Variants in CACNA1G observed in about 807,000 individuals in gnomAD.
The protein encoded by CACNA1G is calcium voltage-gated channel subunit alpha1 G.
CACNA1G carries 67 observed loss-of-function variants against 219.4 expected under a neutral mutation model. That is an observed-to-expected ratio of 0.31 (90% CI 0.25 to 0.37). CACNA1G has a LOEUF of 0.37. CACNA1G is among the 10% of genes least tolerant of loss of function. The pLI is 1.00. For missense variants in CACNA1G, 2,380 were observed against 3,231.4 expected, an observed-to-expected ratio of 0.74 and a Z score of 6.39; for synonymous variants, 1,296 against 1,345.3, an observed-to-expected ratio of 0.96 and a Z score of 0.80.
At chr17:50,590,107 CT>C in intron 9 of CACNA1G, among the ~76,000 whole-genome samples, 1 of 152,198 alleles carries the variant, frequency 6.6e-6, no homozygotes. Flanking sequence ...CATTGTCATG[CT>C]GCTGGCCTGG....
At chr17:50,592,129 G>A in intron 13 of CACNA1G, 37 bp downstream of exon 13, 1 of 1,574,740 alleles carries the variant, frequency 6.4e-7, no homozygotes, top group Non-Finnish European at 8.6e-7. Flanking sequence ...CCTGCCCACA[G>A]CAGTCCCACT....
In CACNA1G at chr17:50,600,391, A is replaced by G. The variant is rs1346746809; in HGVS notation, c.3691-335A>G. 6.6e-6 allele frequency among the ~76,000 whole-genome samples: 1 copy of G among 151,936 alleles called. No individual in the cohort carries two copies. The highest frequency in any genetic ancestry group is 2.4e-5 in the African/African-American group (1 of 41,352). On this transcript the variant is annotated intron_variant, in intron 17 of 37. Transcript: ENST00000359106. This position sits in a 1 kb window ranked among gnomAD's most constrained non-coding sequence, Gnocchi z 4.1. ...GACAGCTGTGTGGGGCCAGTGTTTG[A>G]TAACTGATGCTGCTTCCCAGCTCAG...
Position 50,569,063 on chromosome 17 carries a change from C to A in CACNA1G, c.354+82C>A, listed in dbSNP as rs997794272. On this transcript the variant is annotated intron_variant, in intron 2 of 37. Coordinates refer to ENST00000359106, the MANE Select transcript of CACNA1G (RefSeq NM_018896.5). ...CTCTTAATCTTAATACCCTCTACTC[C>A]TCTGCAAGAGGCCCTGACCCAACTG... 2.6e-6 allele frequency: 4 copies of A among 1,545,078 alleles called. No individual in the cohort carries two copies. In the African/African-American group the frequency reaches 4.1e-5, roughly 16 times the overall value.
intron 9 of CACNA1G, among the ~76,000 whole-genome samples, 187 bp from the exon 10 acceptor site, chr17:50,590,284 G>T (rs2145451249): frequency 6.6e-6 from 1 of 152,226 alleles, no homozygotes; most frequent in South Asian, 2.1e-4. Flanking sequence ...TGGGGCCCCT[G>T]CCCCTGGGTG....
chr17:50,602,881 C>T lies in CACNA1G; in HGVS notation c.3977C>T (p.Thr1326Ile). The change falls in exon 20 of 38, where the codon ACA becomes ATA. Residue 1326 changes from threonine (T) to isoleucine (I), a missense_variant. Physicochemically the swap from Thr to Ile is moderately conservative, Grantham distance 89. This residue lies in a region of CACNA1G where 153 missense variants were observed against 374.9 expected (regional missense o/e 0.41). Transcript: ENST00000359106. ...IFTAVFLAEMTVKVVALGWCF... is the reference protein window; with the variant it reads ...IFTAVFLAEMIVKVVALGWCF... ...ACCGCAGTCTTTCTGGCTGAAATGACAGTGAAGGTGATGGGGGCTGGTGTT... is the reference window on the plus strand; with the variant it reads ...ACCGCAGTCTTTCTGGCTGAAATGATAGTGAAGGTGATGGGGGCTGGTGTT... 1 of 1,613,192 alleles carries T rather than the reference C, an allele frequency of 6.2e-7. No homozygotes were observed.
At position 50,593,232 on chromosome 17, in the gene CACNA1G, C is replaced by A. The variant is rs142794800; in HGVS notation, c.2910+1140C>A. 8.5e-5 allele frequency among the ~76,000 whole-genome samples: 13 copies of A among 152,244 alleles called. No homozygotes were observed. In the East Asian group the frequency reaches 2.3e-3, roughly 27 times the overall value. ...TGAGGCCTGAAGAATTAAGGGGCACCACAGTACTCCCACAAGAGCCAGTAG... is the reference window on the plus strand; with the variant it reads ...TGAGGCCTGAAGAATTAAGGGGCACAACAGTACTCCCACAAGAGCCAGTAG... On this transcript the variant is annotated intron_variant, in intron 13 of 37. Coordinates refer to ENST00000359106, the MANE Select transcript of CACNA1G (RefSeq NM_018896.5).
At position 50,617,078 on chromosome 17, in the gene CACNA1G, A is replaced by C. The variant is rs2050751338; in HGVS notation, c.5022-360A>C. ...TGCCCAGGCTGTTCTCGAACTCCTG[A>C]GCTCAAGTGATCCTCCCACCTCAGA... On this transcript the variant is annotated intron_variant, in intron 28 of 37. Transcript: ENST00000359106. This position sits in a 1 kb window ranked among gnomAD's most constrained non-coding sequence, Gnocchi z 5.8. Among the ~76,000 whole-genome samples, 1 of 152,128 alleles carries C rather than the reference A, an allele frequency of 6.6e-6. No individual in the cohort carries two copies. Among genetic ancestry groups the C allele is most frequent in the Non-Finnish European group, 1.5e-5 (1 of 68,024 alleles).
rs577354640 is a variant in CACNA1G at position 50,579,560 on chromosome 17, G to A, written c.2301+996G>A. 2.6e-5 allele frequency among the ~76,000 whole-genome samples: 4 copies of A among 152,224 alleles called. No homozygotes were observed. The East Asian group carries it at 5.8e-4, about 22-fold the overall frequency. On this transcript the variant is annotated intron_variant, in intron 9 of 37. Coordinates refer to ENST00000359106, the MANE Select transcript of CACNA1G (RefSeq NM_018896.5). The stretch of plus-strand genomic sequence containing the variant: ...TCTGGCCTTTCAGGTCACCCCTGTG[G>A]CTGATTCTTGGAAAAGGAGAGAGGC...
intron 35 of CACNA1G, among the ~76,000 whole-genome samples, chr17:50,623,263 ATTTTTT>A (rs35058899): frequency 4.5e-4 from 23 of 50,984 alleles, no homozygotes; most frequent in African/African-American, 1.3e-3. Context: ...TATCCAGCTA[ATTTTTT>A]TTTTTTTTTT....
In CACNA1G at chr17:50,560,742, C is replaced by A. The variant is rs919944009; in HGVS notation, c.-718C>A. On this transcript the variant is annotated 5_prime_UTR_variant, in exon 1 of 38. Transcript: ENST00000359106. ...GCGCGGGGCTCCTCGCCGCCGCTTTCGCTCGCTCGCTCCGCGTCTCGGCCG... is the reference window on the plus strand; with the variant it reads ...GCGCGGGGCTCCTCGCCGCCGCTTTAGCTCGCTCGCTCCGCGTCTCGGCCG... Among the ~76,000 whole-genome samples the A allele has an allele frequency of 2.6e-5, 4 of 152,184 alleles. No individual in the cohort carries two copies. Among genetic ancestry groups the A allele is most frequent in the Non-Finnish European group, 4.4e-5 (3 of 68,008 alleles).
chr17:50,622,819 G>A (rs2052496559), intron 35 of CACNA1G, among the ~76,000 whole-genome samples: 1 of 152,178 alleles, frequency 6.6e-6, no homozygotes, highest in African/African-American at 2.4e-5. Context: ...TAAGGGAGCA[G>A]CTGAATTTGG....
Position 50,576,083 on chromosome 17 carries a change from T to C in CACNA1G, c.1681T>C (p.Cys561Arg). The C allele has an allele frequency of 6.3e-7, 1 of 1,590,580 alleles. No individual in the cohort carries two copies. Among genetic ancestry groups the C allele is most frequent in the Non-Finnish European group, 8.5e-7 (1 of 1,169,748 alleles). ...ESVHSFYHADCHLEPVRCQAP... is the reference protein window; with the variant it reads ...ESVHSFYHADRHLEPVRCQAP... ...TGTGCACAGCTTCTACCATGCCGACTGCCACTTAGAGCCAGTCCGCTGCCA... is the reference window on the plus strand; with the variant it reads ...TGTGCACAGCTTCTACCATGCCGACCGCCACTTAGAGCCAGTCCGCTGCCA... Residue 561 changes from cysteine (C) to arginine (R), a missense_variant, in exon 8 of 38, where the codon TGC becomes CGC. Around this residue, in one of 17 missense-constraint regions of CACNA1G, gnomAD observed 434 missense variants for 417.3 expected, o/e 1.04. Coordinates refer to ENST00000359106, the MANE Select transcript of CACNA1G (RefSeq NM_018896.5).
intron 25 of CACNA1G, among the ~76,000 whole-genome samples, chr17:50,608,904 C>CCTCT (rs147501525): frequency 6.6e-6 from 1 of 150,920 alleles, no homozygotes; most frequent in African/African-American, 2.4e-5. Flanking sequence ...AATCTCCGCG[C>CCTCT]CTCTCTCTCT....
rs913641022 is a variant in CACNA1G at position 50,610,082 on chromosome 17, A to G, written c.4759+147A>G. On this transcript the variant is annotated intron_variant, in intron 26 of 37. Transcript: ENST00000359106. ...CAGGGGCTGAAGCGCTGGGCTCTGC[A>G]GCATCCCGCAGGCCTGCGCCAAACT... is the stretch of plus-strand genomic sequence containing the variant. 2.4e-5 allele frequency: 18 copies of G among 746,194 alleles called. No individual in the cohort carries two copies. In the African/African-American group the frequency reaches 2.9e-4, roughly 12 times the overall value. The allele number at this position is 746,194 out of a possible 1,614,324, so 46.2% of individuals were successfully genotyped here.
intron 9 of CACNA1G, among the ~76,000 whole-genome samples, chr17:50,583,569 C>A (rs1303127899): frequency 2.0e-5 from 3 of 152,000 alleles, no homozygotes; most frequent in African/African-American, 4.8e-5. Flanking sequence ...AGCTGCTCAT[C>A]CCCAGCTCTC....
In CACNA1G at chr17:50,617,998, T is replaced by C; in HGVS notation, c.5227-50T>C. 6 of 1,612,736 alleles carry C rather than the reference T, an allele frequency of 3.7e-6. No homozygotes were observed. The highest frequency in any genetic ancestry group is 5.1e-6 in the Non-Finnish European group (6 of 1,178,844). On this transcript the variant is annotated intron_variant, in intron 30 of 37. Transcript: ENST00000359106. This position sits in a 1 kb window ranked among gnomAD's most constrained non-coding sequence, Gnocchi z 5.8. ...CCAGAGGGAAGGGGCTCAGAGAAGC[T>C]GACTGGGAGACCCAGCGGCATCGTT...
rs1415823121 is a variant in CACNA1G, at chr17:50,569,697, T to C, written c.489-9T>C. 1 of 1,546,486 alleles carries C rather than the reference T, an allele frequency of 6.5e-7. No individual in the cohort carries two copies. Among genetic ancestry groups the C allele is most frequent in the Non-Finnish European group, 8.7e-7 (1 of 1,144,188 alleles). On this transcript the variant is annotated splice_polypyrimidine_tract_variant and intron_variant, in intron 3 of 37. Transcript: ENST00000359106. ...CTCAAAGGGCCTCCCTTTGGGCCCCTCCCTGCAGGATGCTGGAGTACTCGC... is the reference window on the plus strand; with the variant it reads ...CTCAAAGGGCCTCCCTTTGGGCCCCCCCCTGCAGGATGCTGGAGTACTCGC...
intron 19 of CACNA1G, 143 bp from the exon 20 acceptor site, chr17:50,602,677 G>T (rs1568123434): frequency 8.7e-6 from 6 of 688,714 alleles, no homozygotes; most frequent in Non-Finnish European, 1.5e-5. Flanking sequence ...TATGAGAGGG[G>T]CGTGATCTAC....
chr17:50,579,622 C>T (rs911225346), intron 9 of CACNA1G, among the ~76,000 whole-genome samples: 1 of 152,160 alleles, frequency 6.6e-6, no homozygotes, highest in African/African-American at 2.4e-5. Context: ...TCCTCCCAGG[C>T]TCTGTTCTCC....
Sources: allele counts gnomAD v4.1 joint callset (sites outside exome capture counted in the v4.1 genomes callset), GRCh38; gene constraint gnomAD v4.1.1; regional missense constraint gnomAD v4.1.1; non-coding constraint Gnocchi (gnomAD v3.1); transcripts MANE v1.5; gene names NCBI Gene and HGNC (gene_info 2026-07-23, HGNC 2026-07-21).